Variants in ADAMTSL1 observed in about 807,000 individuals in gnomAD.
ADAMTSL1 encodes ADAMTS like 1, also known as ADAMTS-like protein 1.
In ADAMTSL1, 126 loss-of-function variants were observed where a neutral mutation model predicts 201.8. That is an observed-to-expected ratio of 0.62 (90% CI 0.54 to 0.72). ADAMTSL1 has a LOEUF of 0.72. Among genes scored for constraint, ADAMTSL1 ranks in the 30% least tolerant of loss-of-function variants. The pLI is 0.00. For missense variants in ADAMTSL1, 2,679 were observed against 2,277.8 expected, an observed-to-expected ratio of 1.18 and a Z score of -3.59; for synonymous variants, 1,121 against 903.4, an observed-to-expected ratio of 1.24 and a Z score of -4.32.
At chr9:18,224,471 T>A (rs983259477) in intron 2 of ADAMTSL1, among the ~76,000 whole-genome samples, 5 of 152,156 alleles carry the variant, frequency 3.3e-5, no homozygotes, top group African/African-American at 1.2e-4. Flanking sequence ...GGAGATTACA[T>A]TTCAATATGA....
At chr9:18,573,055 A>G (rs1348333299) in intron 3 of ADAMTSL1, among the ~76,000 whole-genome samples, 1 of 152,210 alleles carries the variant, frequency 6.6e-6, no homozygotes, top group Non-Finnish European at 1.5e-5. Flanking sequence ...GATAATGGCC[A>G]TTGTTAGCCA....
intron 1 of ADAMTSL1, among the ~76,000 whole-genome samples, chr9:18,117,357 C>A (rs533923376): frequency 6.6e-6 from 1 of 152,278 alleles, no homozygotes; most frequent in East Asian, 1.9e-4. Context: ...CTACCGCCTT[C>A]ACCCTCGCTT....
At chr9:18,717,003 G>A (rs1297656242) in intron 14 of ADAMTSL1, among the ~76,000 whole-genome samples, 3 of 129,822 alleles carry the variant, frequency 2.3e-5, no homozygotes, top group Non-Finnish European at 3.4e-5. Context: ...AAACCAAACC[G>A]CATATTCTCA....
rs546768614 is a variant in ADAMTSL1 at position 17,976,544 on chromosome 9, G to T, written c.87+69622G>T. On this transcript the variant is annotated intron_variant, in intron 1 of 29. Coordinates refer to the ADAMTSL1 transcript ENST00000680146. ...TTTTTTTATTCTCGGAGAATTGGTTGTTAGTGTACAGAAACATAGCTGGTT... is the reference window on the plus strand; with the variant it reads ...TTTTTTTATTCTCGGAGAATTGGTTTTTAGTGTACAGAAACATAGCTGGTT... Among the ~76,000 whole-genome samples the T allele has an allele frequency of 5.3e-5, 8 of 151,904 alleles. No homozygotes were observed. The East Asian group carries it at 1.6e-3, about 30-fold the overall frequency.
intron 2 of ADAMTSL1, among the ~76,000 whole-genome samples, chr9:18,171,495 A>C (rs1174312740): frequency 6.6e-6 from 1 of 152,148 alleles, no homozygotes; most frequent in Non-Finnish European, 1.5e-5. Context: ...AGGACAAGAC[A>C]CAAGCTGGAA....
At chr9:17,990,666 C>T (rs1295370482) in intron 1 of ADAMTSL1, among the ~76,000 whole-genome samples, 2 of 152,030 alleles carry the variant, frequency 1.3e-5, no homozygotes, top group African/African-American at 4.8e-5. Context: ...GTAAAAAGAA[C>T]TCAGAAAGCC....
At chr9:17,953,335 T>C (rs571906856) in intron 1 of ADAMTSL1, among the ~76,000 whole-genome samples, 2 of 152,164 alleles carry the variant, frequency 1.3e-5, no homozygotes, top group Non-Finnish European at 2.9e-5. Context: ...TGGCAGAACG[T>C]TGGGAGATTT....
At chr9:18,880,875 T>C (rs537222232) in intron 23 of ADAMTSL1, among the ~76,000 whole-genome samples, 2 of 152,350 alleles carry the variant, frequency 1.3e-5, no homozygotes, top group East Asian at 3.9e-4. Context: ...ATCTCTTGTG[T>C]TTAACATAGC....
At chr9:18,513,284 T>C (rs957178269) in intron 2 of ADAMTSL1, among the ~76,000 whole-genome samples, 2 of 152,294 alleles carry the variant, frequency 1.3e-5, no homozygotes, top group East Asian at 3.9e-4. Context: ...GAAACTAGAC[T>C]CCTTGAATGG....
chr9:18,591,909 T>C (rs572055680), intron 4 of ADAMTSL1, among the ~76,000 whole-genome samples: 1 of 152,308 alleles, frequency 6.6e-6, no homozygotes, highest in East Asian at 1.9e-4. Context: ...GGTAAGCAGT[T>C]GGCAAGAGTT....
At chr9:18,417,128 T>C (rs1818710522) in intron 2 of ADAMTSL1, among the ~76,000 whole-genome samples, 1 of 151,848 alleles carries the variant, frequency 6.6e-6, no homozygotes, top group South Asian at 2.1e-4. Flanking sequence ...CTCTGCAAAA[T>C]TTTCAAAATA....
At chr9:18,089,041 A>T (rs927630285) in intron 1 of ADAMTSL1, among the ~76,000 whole-genome samples, 3 of 152,204 alleles carry the variant, frequency 2.0e-5, no homozygotes, top group African/African-American at 7.2e-5. Context: ...ACACAATGAG[A>T]TATTATTCAT....
rs373170884 is a variant in ADAMTSL1, at chr9:18,865,189, G to T, written c.4250-22642G>T. ...ATATCTCCTAATGCTATCCCTCCCC[G>T]CTCCCCCCACCCCACAATAGGCCCC... On this transcript the variant is annotated intron_variant, in intron 23 of 28. Coordinates refer to ENST00000380548, the MANE Select transcript of ADAMTSL1 (RefSeq NM_001040272.6). Among the ~76,000 whole-genome samples the T allele has an allele frequency of 6.7e-5, 10 of 150,128 alleles. 1 individual carries two copies. The South Asian group carries it at 2.1e-3, about 32-fold the overall frequency.
rs564732201 is a variant in ADAMTSL1 at position 18,003,855 on chromosome 9, G to T, written c.87+96933G>T. ...AACCAGATTCTCTGTATTTAGAAAT[G>T]AGGTTCTTTGGGGTCAGGTTTTATT... On this transcript the variant is annotated intron_variant, in intron 1 of 29. Coordinates refer to the ADAMTSL1 transcript ENST00000680146. 7.9e-5 allele frequency among the ~76,000 whole-genome samples: 12 copies of T among 152,090 alleles called. No individual in the cohort carries two copies. The South Asian group carries it at 1.2e-3, about 16-fold the overall frequency.
At chr9:18,157,247 C>T (rs1166066134) in intron 1 of ADAMTSL1, among the ~76,000 whole-genome samples, 2 of 152,046 alleles carry the variant, frequency 1.3e-5, no homozygotes, top group African/African-American at 4.8e-5. Flanking sequence ...ATACACTGCT[C>T]TGTGAGAATA....
intron 2 of ADAMTSL1, among the ~76,000 whole-genome samples, chr9:18,331,932 A>G (rs1835043327): frequency 6.6e-6 from 1 of 152,182 alleles, no homozygotes; most frequent in Non-Finnish European, 1.5e-5. Flanking sequence ...TTATAGAATC[A>G]GCTTGCTGCA....
rs114573836 is a variant in ADAMTSL1, at chr9:18,763,016, T to C, written c.2218-7586T>C. ...ACACTGATTTCCTTTCTTTTGGGTA[T>C]ATACCCAGCAGTATGATTGCTAGAT... On this transcript the variant is annotated intron_variant, in intron 16 of 28. Transcript: ENST00000380548. Among the ~76,000 whole-genome samples, 34 of 152,324 alleles carry C rather than the reference T, an allele frequency of 2.2e-4. 1 individual carries two copies. The highest frequency in any genetic ancestry group is 7.7e-4 in the African/African-American group (32 of 41,572).
intron 4 of ADAMTSL1, among the ~76,000 whole-genome samples, chr9:18,614,139 C>T (rs550082987): frequency 3.9e-5 from 6 of 152,214 alleles, no homozygotes; most frequent in Admixed American, 3.3e-4. Context: ...TCAGAGAGGT[C>T]GTTCACATAG....
intron 2 of ADAMTSL1, among the ~76,000 whole-genome samples, chr9:18,409,399 AAAAAAG>A (rs1210561517): frequency 6.6e-6 from 1 of 150,402 alleles, no homozygotes; most frequent in African/African-American, 2.4e-5. Flanking sequence ...AAAAAAAAAA[AAAAAAG>A]AAAAAGAAAA....
Sources: allele counts gnomAD v4.1 joint callset (sites outside exome capture counted in the v4.1 genomes callset), GRCh38; gene constraint gnomAD v4.1.1; transcripts MANE v1.5; gene names NCBI Gene and HGNC (gene_info 2026-07-23, HGNC 2026-07-21).